Variants in PACSIN1 observed in about 807,000 individuals in gnomAD.
PACSIN1 encodes the protein protein kinase C and casein kinase substrate in neurons protein 1.
Under a neutral mutation model 59.5 loss-of-function variants are expected in PACSIN1, and 15 were observed. That is an observed-to-expected ratio of 0.25 (90% CI 0.17 to 0.39). PACSIN1 has a LOEUF of 0.39. PACSIN1 is among the 10% of genes least tolerant of loss of function. The probability of loss-of-function intolerance (pLI) is 1.00; values close to 1 mark genes in which losing one functional copy is unlikely to be tolerated. For missense variants in PACSIN1, 420 were observed against 580.2 expected (o/e 0.72, Z 2.84); for synonymous variants, 210 against 220.6 (o/e 0.95, Z 0.42).
intron 1 of PACSIN1, among the ~76,000 whole-genome samples, chr6:34,479,693 T>C (rs58067963): frequency 0.011 from 1,699 of 152,230 alleles, 46 homozygotes; most frequent in East Asian, 0.094. Context: ...TGGGCTCAAG[T>C]GATCCTCCTG....
rs1767573813 is a variant in PACSIN1 at position 34,530,499 on chromosome 6, G to A, written c.949G>A (p.Glu317Lys). 6.2e-7 allele frequency: 1 copy of A among 1,608,992 alleles called. No individual in the cohort carries two copies. The highest frequency in any genetic ancestry group is 8.5e-7 in the Non-Finnish European group (1 of 1,177,822). ...CCTTCCTCACACCACCACCAAGAAGGAGAAACAGCCTAAGAAGGCAGAGGG... is the reference window on the plus strand; with the variant it reads ...CCTTCCTCACACCACCACCAAGAAGAAGAAACAGCCTAAGAAGGCAGAGGG... The part of the protein sequence containing the change: ...PDLPHTTTKK[E>K]KQPKKAEGVA... Residue 317 changes from glutamate to lysine, a missense_variant, in exon 8 of 10, where the codon GAG (glutamate) becomes AAG (lysine). Transcript: ENST00000244458. The surrounding 1 kb of genome is among the most constrained non-coding windows in gnomAD (Gnocchi z 4.4).
intron 1 of PACSIN1, among the ~76,000 whole-genome samples, chr6:34,507,551 T>TAA (rs57453362): frequency 4.8e-5 from 7 of 144,420 alleles, no homozygotes; most frequent in East Asian, 2.0e-4. Context: ...ACTTTTATTG[T>TAA]AAAAAAAAAA....
chr6:34,468,544 G>GC (rs1168561787), intron 1 of PACSIN1, among the ~76,000 whole-genome samples: 3 of 152,122 alleles, frequency 2.0e-5, no homozygotes, highest in Non-Finnish European at 2.9e-5. Context: ...CCCTCCCTCT[G>GC]CCCCCTGGCT....
intron 1 of PACSIN1, among the ~76,000 whole-genome samples, chr6:34,499,052 T>C (rs186313207): frequency 1.2e-4 from 18 of 152,086 alleles, no homozygotes; most frequent in Admixed American, 2.6e-4. Context: ...ATTATTACAT[T>C]ATAATATATA....
At position 34,529,006 on chromosome 6, in the gene PACSIN1, C is replaced by G. The variant is rs926757377; in HGVS notation, c.456+129C>G. On this transcript the variant is annotated intron_variant, in intron 4 of 9. Coordinates refer to ENST00000244458, the MANE Select transcript of PACSIN1 (RefSeq NM_020804.5). The surrounding 1 kb of genome is among the most constrained non-coding windows in gnomAD (Gnocchi z 6.3). ...CTCTGGGATTGTGCCCACAGGGGAG[C>G]AGCACTGCCTTCCAGGAAAAAATAT... 3 of 716,028 alleles carry G rather than the reference C, an allele frequency of 4.2e-6. No individual in the cohort carries two copies. The highest frequency in any genetic ancestry group is 7.0e-6 in the Non-Finnish European group (3 of 430,460). 44.4% of individuals were successfully genotyped at this position (716,028 alleles called of 1,614,324 possible).
At chr6:34,487,152 TG>T (rs1445126063) in intron 1 of PACSIN1, among the ~76,000 whole-genome samples, 5 of 152,174 alleles carry the variant, frequency 3.3e-5, no homozygotes, top group Admixed American at 6.5e-5. Flanking sequence ...GCCTGGGTGA[TG>T]GAGTGAGACC....
intron 1 of PACSIN1, among the ~76,000 whole-genome samples, chr6:34,489,034 A>G (rs1766833217): frequency 6.6e-6 from 1 of 152,022 alleles, no homozygotes; most frequent in Non-Finnish European, 1.5e-5. Flanking sequence ...TACAAAAATT[A>G]GCCAGGTGTG....
At chr6:34,509,654 GTATGGAT>G (rs1274078824) in intron 1 of PACSIN1, among the ~76,000 whole-genome samples, 14 of 151,874 alleles carry the variant, frequency 9.2e-5, no homozygotes, top group African/African-American at 3.1e-4. Context: ...GCTTTGAGTA[GTATGGAT>G]ATTTTAAGAA....
Position 34,521,791 on chromosome 6 carries a change from G to A in PACSIN1, c.-63-4452G>A, listed in dbSNP as rs942596253. On this transcript the variant is annotated intron_variant, in intron 1 of 9. Transcript: ENST00000244458. This position sits in a 1 kb window ranked among gnomAD's most constrained non-coding sequence, Gnocchi z 4.3. ...TGTGTCAGGCGCGGTCCAGTGGCCC[G>A]AGGTCTAGTGCTCCGTTTAATCCTT... 2.0e-5 allele frequency among the ~76,000 whole-genome samples: 3 copies of A among 152,150 alleles called. No homozygotes were observed. Among genetic ancestry groups the A allele is most frequent in the Admixed American group, 6.5e-5 (1 of 15,282 alleles).
chr6:34,494,056 A>T (rs1766914497), intron 1 of PACSIN1, among the ~76,000 whole-genome samples: 1 of 152,236 alleles, frequency 6.6e-6, no homozygotes, highest in Non-Finnish European at 1.5e-5. Flanking sequence ...GAGGCCAGTT[A>T]CTTGGGCAAA....
At chr6:34,502,031 C>CAAAA (rs55848755) in intron 1 of PACSIN1, among the ~76,000 whole-genome samples, 1 of 67,162 alleles carries the variant, frequency 1.5e-5, no homozygotes, top group African/African-American at 5.2e-5. Flanking sequence ...GACTCTGTCT[C>CAAAA]AAAAAAAAAA....
intron 1 of PACSIN1, among the ~76,000 whole-genome samples, chr6:34,507,485 G>A (rs1767132736): frequency 6.6e-6 from 1 of 151,930 alleles, no homozygotes; most frequent in Admixed American, 6.6e-5. Context: ...AGAATCTACT[G>A]TGTGTGCTCT....
At chr6:34,472,634 C>T (rs559701721) in intron 1 of PACSIN1, among the ~76,000 whole-genome samples, 10 of 152,086 alleles carry the variant, frequency 6.6e-5, no homozygotes, top group Admixed American at 5.2e-4. Context: ...CATGCTGCCA[C>T]GTGTGTTTGG....
intron 1 of PACSIN1, among the ~76,000 whole-genome samples, chr6:34,491,907 C>A (rs1353045553): frequency 2.0e-5 from 3 of 152,126 alleles, no homozygotes; most frequent in Non-Finnish European, 4.4e-5. Context: ...CCACCGCGCC[C>A]GGCCCCCACA....
intron 1 of PACSIN1, among the ~76,000 whole-genome samples, chr6:34,469,668 G>T (rs1766545211): frequency 6.6e-6 from 1 of 152,222 alleles, no homozygotes; most frequent in Non-Finnish European, 1.5e-5. Flanking sequence ...CAGGGTTTGG[G>T]TGTGCCTTCC....
At chr6:34,496,202 G>A (rs575642452) in intron 1 of PACSIN1, among the ~76,000 whole-genome samples, 1 of 152,344 alleles carries the variant, frequency 6.6e-6, no homozygotes, top group South Asian at 2.1e-4. Context: ...TGAAGCCTTG[G>A]TCACAATGGC....
chr6:34,505,041 C>T (rs186383209), intron 1 of PACSIN1, among the ~76,000 whole-genome samples: 62 of 151,654 alleles, frequency 4.1e-4, no homozygotes, highest in African/African-American at 9.7e-4. Flanking sequence ...GTTGGAGTGT[C>T]GTGGCACAAT....
In PACSIN1 at chr6:34,479,666, G is replaced by C. The variant is rs190753657; in HGVS notation, c.-64+13396G>C. 2.0e-5 allele frequency among the ~76,000 whole-genome samples: 3 copies of C among 151,604 alleles called. No homozygotes were observed. In the East Asian group the frequency reaches 5.8e-4, roughly 29 times the overall value. On this transcript the variant is annotated intron_variant, in intron 1 of 9. Transcript: ENST00000244458. Reference sequence around the variant, plus strand: ...AGATGGGGATTCCCTCTGTTGCCCGGGCTGGACTTGAACTCCTGGGCTCAA... The same window carrying C: ...AGATGGGGATTCCCTCTGTTGCCCGCGCTGGACTTGAACTCCTGGGCTCAA...
intron 1 of PACSIN1, among the ~76,000 whole-genome samples, chr6:34,505,297 C>T (rs936114542): frequency 3.9e-5 from 6 of 151,958 alleles, no homozygotes; most frequent in Non-Finnish European, 7.4e-5. Flanking sequence ...AGAGTTTGAC[C>T]ATGATGTGCC....
Sources: allele counts gnomAD v4.1 joint callset (sites outside exome capture counted in the v4.1 genomes callset), GRCh38; gene constraint gnomAD v4.1.1; non-coding constraint Gnocchi (gnomAD v3.1); transcripts MANE v1.5; gene names NCBI Gene and HGNC (gene_info 2026-07-23, HGNC 2026-07-21).